Variants in GFOD1 observed in about 807,000 individuals in gnomAD.
GFOD1 encodes Gfo/Idh/MocA-like oxidoreductase domain containing 1, also known as glucose-fructose oxidoreductase domain-containing protein 1.
In GFOD1, 9 loss-of-function variants were observed where a neutral mutation model predicts 25.4. The ratio of observed to expected loss-of-function variants is 0.35; its 90% CI spans 0.21 to 0.62. The LOEUF (loss-of-function observed/expected upper bound fraction) is 0.62, where lower values mean the gene tolerates loss of function less well. Ranked by LOEUF, GFOD1 falls within the 20% of genes least tolerant of loss-of-function variation. The pLI is 0.72. For synonymous variants in GFOD1, 253 were observed against 245.6 expected (o/e 1.03, Z -0.28); for missense variants, 403 against 556.9 (o/e 0.72, Z 2.78).
intron 1 of GFOD1, among the ~76,000 whole-genome samples, chr6:13,366,893 C>A (rs1785059030): frequency 6.6e-6 from 1 of 151,732 alleles, no homozygotes; most frequent in South Asian, 2.1e-4. Flanking sequence ...AAATGTTTAA[C>A]AATATTTGCT....
intron 1 of GFOD1, among the ~76,000 whole-genome samples, chr6:13,397,376 T>A (rs1168538598): frequency 6.6e-6 from 1 of 152,224 alleles, no homozygotes; most frequent in Non-Finnish European, 1.5e-5. Context: ...AAATGAAAAG[T>A]GGTGTCCAGC....
chr6:13,440,323 G>C (rs545455748), intron 1 of GFOD1, among the ~76,000 whole-genome samples: 33 of 152,150 alleles, frequency 2.2e-4, no homozygotes, highest in African/African-American at 7.0e-4. Flanking sequence ...CAAGCAGCTG[G>C]GATTATAGGC....
chr6:13,383,159 A>C (rs1024984250), intron 1 of GFOD1, among the ~76,000 whole-genome samples: 1 of 152,206 alleles, frequency 6.6e-6, no homozygotes, highest in African/African-American at 2.4e-5. Context: ...TAATAGAATG[A>C]TTTATATTCC....
intron 1 of GFOD1, among the ~76,000 whole-genome samples, chr6:13,469,115 G>A (rs917989164): frequency 2.6e-5 from 4 of 152,178 alleles, no homozygotes; most frequent in African/African-American, 9.7e-5. Flanking sequence ...ACTCAGTTAT[G>A]TAGGAGAGGG....
chr6:13,421,355 T>C (rs1051092060), intron 1 of GFOD1, among the ~76,000 whole-genome samples: 1 of 151,984 alleles, frequency 6.6e-6, no homozygotes, highest in Non-Finnish European at 1.5e-5. Context: ...TAGCCAGGCA[T>C]GGTAGCATGC....
chr6:13,471,978 T>G (rs1315291271), intron 1 of GFOD1: 1 of 156,122 alleles, frequency 6.4e-6, no homozygotes, highest in Non-Finnish European at 1.4e-5. Context: ...TAATTGGACT[T>G]ACAGTTCCAT....
At chr6:13,484,336 G>A (rs1424275926) in intron 1 of GFOD1, among the ~76,000 whole-genome samples, 3 of 152,076 alleles carry the variant, frequency 2.0e-5, no homozygotes, top group Non-Finnish European at 4.4e-5. Flanking sequence ...GCAAACACTC[G>A]TATCTATACA....
At chr6:13,433,768 G>T (rs1439708435) in intron 1 of GFOD1, among the ~76,000 whole-genome samples, 2 of 152,014 alleles carry the variant, frequency 1.3e-5, no homozygotes, top group African/African-American at 2.4e-5. Context: ...TCTCTCTTCA[G>T]TGCACTGCCA....
In GFOD1 at chr6:13,359,566, G is replaced by A. The variant is rs1005466092; in HGVS notation, c.*5177C>T. 4 of 152,128 alleles carry A rather than the reference G, an allele frequency of 2.6e-5. No individual in the cohort carries two copies. The highest frequency in any genetic ancestry group is 9.7e-5 in the African/African-American group (4 of 41,404). The allele number at this position is 152,128 out of a possible 1,614,324, so 9.4% of individuals were successfully genotyped here. ...CTTGCCAAATAAAATACAAGTTAGAGGTCATTGTTCACATTACAGTCACAA... is the reference window on the plus strand; with the variant it reads ...CTTGCCAAATAAAATACAAGTTAGAAGTCATTGTTCACATTACAGTCACAA... On this transcript the variant is annotated 3_prime_UTR_variant, in exon 2 of 2. Transcript: ENST00000379287.
At chr6:13,419,640 G>A (rs1382585302) in intron 1 of GFOD1, among the ~76,000 whole-genome samples, 2 of 152,102 alleles carry the variant, frequency 1.3e-5, no homozygotes, top group African/African-American at 2.4e-5. Context: ...GACCCTCCAC[G>A]ATCTGCTTCC....
At chr6:13,458,786 A>AAAAAG (rs1758238569) in intron 1 of GFOD1, among the ~76,000 whole-genome samples, 100 of 144,520 alleles carry the variant, frequency 6.9e-4, no homozygotes, top group Non-Finnish European at 9.1e-4. Flanking sequence ...AAAAAAAAAA[A>AAAAAG]GTGAGAGGGG....
chr6:13,399,088 C>T (rs1390351546), intron 1 of GFOD1, among the ~76,000 whole-genome samples: 1 of 152,152 alleles, frequency 6.6e-6, no homozygotes, highest in Non-Finnish European at 1.5e-5. Context: ...AATCAAAGCT[C>T]ACTTCAGCCT....
At chr6:13,422,329 T>C (rs1228747047) in intron 1 of GFOD1, among the ~76,000 whole-genome samples, 1 of 152,132 alleles carries the variant, frequency 6.6e-6, no homozygotes, top group African/African-American at 2.4e-5. Context: ...AAAATCTGAC[T>C]CTGCAAATGC....
chr6:13,416,198 T>C (rs1319657476), intron 1 of GFOD1, among the ~76,000 whole-genome samples: 5 of 152,236 alleles, frequency 3.3e-5, no homozygotes, highest in African/African-American at 7.2e-5. Flanking sequence ...TCCACCATGA[T>C]TGTAAGTTTC....
chr6:13,365,598 C>T lies in GFOD1; in HGVS notation c.318G>A (p.Ser106=), dbSNP rs148981320. 1.2e-6 allele frequency: 2 copies of T among 1,605,654 alleles called. No individual in the cohort carries two copies. The highest frequency in any genetic ancestry group is 1.1e-5 in the South Asian group (1 of 91,080). The change falls in exon 2 of 2, where the codon TCG becomes TCA. Residue 106 remains serine (S), a synonymous_variant. Coordinates refer to ENST00000379287, the MANE Select transcript of GFOD1 (RefSeq NM_018988.4). The surrounding 1 kb of genome is among the most constrained non-coding windows in gnomAD (Gnocchi z 9.2). Reference sequence around the variant, plus strand: ...TGAGCTTGGGGTAGTAGTGGGCGGCCGAGGTCATGCGGAAAGCGTCCAGCG... The same window carrying T: ...TGAGCTTGGGGTAGTAGTGGGCGGCTGAGGTCATGCGGAAAGCGTCCAGCG... ...ATPLDAFRMT[S]AAHYYPKLMS...
chr6:13,437,395 T>C (rs1444911700), intron 1 of GFOD1, among the ~76,000 whole-genome samples: 1 of 152,180 alleles, frequency 6.6e-6, no homozygotes, highest in African/African-American at 2.4e-5. Flanking sequence ...ATGCAGCCAA[T>C]AGAACTTTCT....
At chr6:13,440,526 C>A (rs1757898628) in intron 1 of GFOD1, among the ~76,000 whole-genome samples, 1 of 152,168 alleles carries the variant, frequency 6.6e-6, no homozygotes, top group Admixed American at 6.5e-5. Context: ...ATGTACACCT[C>A]CTGGACTGTA....
At chr6:13,411,354 C>T (rs1055294072) in intron 1 of GFOD1, among the ~76,000 whole-genome samples, 3 of 152,104 alleles carry the variant, frequency 2.0e-5, no homozygotes, top group African/African-American at 4.8e-5. Flanking sequence ...TGCAGTGGCG[C>T]GATACCGGCT....
At chr6:13,432,273 G>A (rs1364236146) in intron 1 of GFOD1, among the ~76,000 whole-genome samples, 1 of 145,692 alleles carries the variant, frequency 6.9e-6, no homozygotes, top group Admixed American at 7.0e-5. Flanking sequence ...GAATGCAGTT[G>A]TGCAATCATG....
Sources: allele counts gnomAD v4.1 joint callset (sites outside exome capture counted in the v4.1 genomes callset), GRCh38; gene constraint gnomAD v4.1.1; non-coding constraint Gnocchi (gnomAD v3.1); transcripts MANE v1.5; gene names NCBI Gene and HGNC (gene_info 2026-07-23, HGNC 2026-07-21).